The following PCDHGB4 variants were observed in gnomAD, a reference collection of about 807,000 sequenced individuals.
The protein encoded by PCDHGB4 is protocadherin gamma subfamily B, 4, also known as protocadherin gamma-B4.
Under a neutral mutation model 60.5 loss-of-function variants are expected in PCDHGB4, and 38 were observed. The ratio of observed to expected loss-of-function variants is 0.63; its 90% confidence interval spans 0.48 to 0.82. The LOEUF is 0.82. PCDHGB4 is among the 40% of genes least tolerant of loss of function. The pLI, the probability that PCDHGB4 is intolerant of heterozygous loss-of-function variation, is 0.00. For missense variants in PCDHGB4, 1,109 were observed against 1,209.6 expected, an observed-to-expected ratio of 0.92 and a Z score of 1.23; for synonymous variants, 456 against 509.7, an observed-to-expected ratio of 0.89 and a Z score of 1.42.
Position 141,389,413 on chromosome 5 carries a change from G to A in PCDHGB4, c.1529G>A (p.Gly510Glu). Residue 510 changes from glycine (G) to glutamate (E), a missense_variant, in exon 1 of 4, where the codon GGG becomes GAG. Physicochemically the swap from Gly to Glu is moderately conservative, Grantham distance 98. Around this residue, in one of 2 missense-constraint regions of PCDHGB4, gnomAD observed 1,068 missense variants for 1,089.9 expected, o/e 0.98. Coordinates refer to ENST00000519479, the MANE Select transcript of PCDHGB4 (RefSeq NM_003736.4). ...TACGTGTCCATAAGCGCGGAGAGCG[G>A]GGTGGTGTTCGCGCAGCGCGCCTTC... is the stretch of plus-strand genomic sequence containing the variant. Reference protein sequence around the residue: ...SSYVSISAESGVVFAQRAFDH... With the variant: ...SSYVSISAESEVVFAQRAFDH... The A allele has an allele frequency of 6.2e-7, 1 of 1,613,608 alleles. No homozygotes were observed. Among genetic ancestry groups the A allele is most frequent in the South Asian group, 1.1e-5 (1 of 91,090 alleles).
Position 141,489,753 on chromosome 5 carries a change from T to A in PCDHGB4, c.2398-5054T>A, listed in dbSNP as rs549652158. On this transcript the variant is annotated intron_variant, in intron 1 of 3. Transcript: ENST00000519479. The surrounding 1 kb of genome is among the most constrained non-coding windows in gnomAD (Gnocchi z 4.5). ...GCACCAATACTGTGAGCTTTTACAC[T>A]CTAAGCCCCAACAGCCACTTCTCTC... 6.2e-7 allele frequency: 1 copy of A among 1,614,070 alleles called. No homozygotes were observed. The highest frequency in any genetic ancestry group is 2.2e-5 in the East Asian group (1 of 44,866).
Position 141,431,583 on chromosome 5 carries a change from C to A in PCDHGB4, c.2397+41302C>A, listed in dbSNP as rs771534481. On this transcript the variant is annotated intron_variant, in intron 1 of 3. Transcript: ENST00000519479. The surrounding 1 kb of genome is among the most constrained non-coding windows in gnomAD (Gnocchi z 4.8). ...ACCGACCCTGACGAAGGAGTCAATGCGGAAGTGAGGTATTCCTTCCGGTAT... is the reference window on the plus strand; with the variant it reads ...ACCGACCCTGACGAAGGAGTCAATGAGGAAGTGAGGTATTCCTTCCGGTAT... The A allele has an allele frequency of 1.1e-5, 18 of 1,614,008 alleles. No individual in the cohort carries two copies. In the South Asian group the frequency reaches 1.2e-4, roughly 11 times the overall value.
chr5:141,476,309 A>G lies in PCDHGB4; in HGVS notation c.2398-18498A>G. ...GGATCTCGGTAGCCTCTCAGCCCGC[A>G]GGTTCCGGGTGGTGTCTGGAGCTAG... On this transcript the variant is annotated intron_variant, in intron 1 of 3. Transcript: ENST00000519479. The surrounding 1 kb of genome is among the most constrained non-coding windows in gnomAD (Gnocchi z 7.6). The G allele has an allele frequency of 6.2e-7, 1 of 1,613,966 alleles. No homozygotes were observed. Among genetic ancestry groups the G allele is most frequent in the Non-Finnish European group, 8.5e-7 (1 of 1,179,988 alleles).
In PCDHGB4 at chr5:141,490,261, G is replaced by T; in HGVS notation, c.2398-4546G>T. 6.2e-7 allele frequency: 1 copy of T among 1,614,218 alleles called. No individual in the cohort carries two copies. Among genetic ancestry groups the T allele is most frequent in the Non-Finnish European group, 8.5e-7 (1 of 1,180,038 alleles). ...CCACTGTGTGATTCAAGTGGATGTG[G>T]GGGATGTCAATGACAATGCCCCAGA... On this transcript the variant is annotated intron_variant, in intron 1 of 3. Coordinates refer to ENST00000519479, the MANE Select transcript of PCDHGB4 (RefSeq NM_003736.4). The surrounding 1 kb of genome is among the most constrained non-coding windows in gnomAD (Gnocchi z 5.4).
intron 1 of PCDHGB4, chr5:141,404,476 C>T (rs1453332441): frequency 6.2e-7 from 1 of 1,613,362 alleles, no homozygotes; most frequent in South Asian, 1.1e-5. Context: ...TCTCTATTAA[C>T]TCAGACACTG....
intron 1 of PCDHGB4, chr5:141,404,222 G>A (rs1407928050): frequency 6.2e-7 from 1 of 1,613,616 alleles, no homozygotes; most frequent in Admixed American, 1.7e-5. Context: ...CACGGTGACT[G>A]CAACAGACAG....
chr5:141,392,779 T>C (rs757880986), intron 1 of PCDHGB4: 1 of 1,534,720 alleles, frequency 6.5e-7, no homozygotes, highest in African/African-American at 1.4e-5. Context: ...TTATGCACAG[T>C]GAAGATTCTG....
chr5:141,403,442 G>A, intron 1 of PCDHGB4: 2 of 1,614,024 alleles, frequency 1.2e-6, no homozygotes, highest in Admixed American at 1.7e-5. Flanking sequence ...GGATGTTGGC[G>A]TGAACTCCCT....
intron 1 of PCDHGB4, among the ~76,000 whole-genome samples, chr5:141,479,036 G>C (rs1202411463): frequency 1.3e-5 from 2 of 152,012 alleles, no homozygotes; most frequent in Non-Finnish European, 2.9e-5. Flanking sequence ...TATACAGATC[G>C]TGTACCTCAT....
chr5:141,421,357 T>A lies in PCDHGB4; in HGVS notation c.2397+31076T>A, dbSNP rs761522510. ...GGTGCCAGAAGAGACCGAAAAGGGC[T>A]CCTTCGTGGGCAATATCTCCAAGGA... On this transcript the variant is annotated intron_variant, in intron 1 of 3. Coordinates refer to ENST00000519479, the MANE Select transcript of PCDHGB4 (RefSeq NM_003736.4). 4.3e-6 allele frequency: 7 copies of A among 1,613,976 alleles called. 1 individual carries two copies. The South Asian group carries it at 7.7e-5, about 18-fold the overall frequency.
At position 141,486,004 on chromosome 5, in the gene PCDHGB4, C is replaced by T; in HGVS notation, c.2398-8803C>T. The T allele has an allele frequency of 6.2e-7, 1 of 1,614,184 alleles. No homozygotes were observed. The highest frequency in any genetic ancestry group is 8.5e-7 in the Non-Finnish European group (1 of 1,180,008). The stretch of plus-strand genomic sequence containing the variant: ...CGGACCTGGGTCCCAGTGGTAACGT[C>T]ACCTTTTATTTCAGTGGTCATACCC... On this transcript the variant is annotated intron_variant, in intron 1 of 3. Coordinates refer to ENST00000519479, the MANE Select transcript of PCDHGB4 (RefSeq NM_003736.4). This position sits in a 1 kb window ranked among gnomAD's most constrained non-coding sequence, Gnocchi z 5.0.
At chr5:141,446,129 A>C (rs1488078150) in intron 1 of PCDHGB4, among the ~76,000 whole-genome samples, 1 of 152,204 alleles carries the variant, frequency 6.6e-6, no homozygotes, top group Non-Finnish European at 1.5e-5. Flanking sequence ...GTTCAATAAG[A>C]CTTAATAATG....
rs1471215172 is a variant in PCDHGB4 at position 141,511,840 on chromosome 5, TCTG to T, written c.*668_*670del. 1 of 156,722 alleles carries T rather than the reference TCTG, an allele frequency of 6.4e-6. No homozygotes were observed. Among genetic ancestry groups the T allele is most frequent in the African/African-American group, 2.4e-5 (1 of 41,448 alleles). The allele number at this position is 156,722 out of a possible 1,614,324, so 9.7% of individuals were successfully genotyped here. A position where few individuals can be genotyped will look rare whatever the true frequency, so the allele number is the denominator to read the frequency against. On this transcript the variant is annotated 3_prime_UTR_variant, in exon 4 of 4. Coordinates refer to ENST00000519479, the MANE Select transcript of PCDHGB4 (RefSeq NM_003736.4). ...TTCCCAACGCCCTGGGGACCAGTCTTCTGTTTTGTTTTTCATTGTTTGACGTTT... is the reference window on the plus strand; with the variant it reads ...TTCCCAACGCCCTGGGGACCAGTCTTTTTTGTTTTTCATTGTTTGACGTTT...
chr5:141,508,994 A>G (rs2099873731), intron 3 of PCDHGB4, among the ~76,000 whole-genome samples: 1 of 152,052 alleles, frequency 6.6e-6, no homozygotes, highest in South Asian at 2.1e-4. Flanking sequence ...CAGCTGGGGT[A>G]GGAGAGGAGG....
rs561824381 is a variant in PCDHGB4 at position 141,449,084 on chromosome 5, C to T, written c.2398-45723C>T. Among the ~76,000 whole-genome samples, 8 of 152,250 alleles carry T rather than the reference C, an allele frequency of 5.3e-5. No individual in the cohort carries two copies. In the East Asian group the frequency reaches 1.4e-3, roughly 26 times the overall value. The stretch of plus-strand genomic sequence containing the variant: ...CTATTGAATAGCCCTGTACCTACAT[C>T]AGTTTTTACATATGCAGTATATCTT... On this transcript the variant is annotated intron_variant, in intron 1 of 3. Transcript: ENST00000519479.
intron 3 of PCDHGB4, among the ~76,000 whole-genome samples, chr5:141,505,926 G>A (rs114056147): frequency 0.012 from 1,893 of 152,254 alleles, 12 homozygotes; most frequent in Middle Eastern, 0.034. Context: ...TGGGCCTGGC[G>A]CTTGGAAGCC....
chr5:141,398,675 A>G (rs1462726875), intron 1 of PCDHGB4: 10 of 1,613,974 alleles, frequency 6.2e-6, no homozygotes, highest in East Asian at 2.2e-5. Context: ...TTAATAATTA[A>G]GGAGAAACAG....
At chr5:141,393,348 T>G in intron 1 of PCDHGB4, 1 of 1,613,848 alleles carries the variant, frequency 6.2e-7, no homozygotes, top group Non-Finnish European at 8.5e-7. Context: ...TCACCACTTC[T>G]CCCTGGACGT....
In PCDHGB4 at chr5:141,489,335, G is replaced by A. The variant is rs138015049; in HGVS notation, c.2398-5472G>A. The A allele has an allele frequency of 8.2e-5, 132 of 1,607,244 alleles. No individual in the cohort carries two copies. The African/African-American group carries it at 1.5e-3, about 18-fold the overall frequency. On this transcript the variant is annotated intron_variant, in intron 1 of 3. Transcript: ENST00000519479. This position sits in a 1 kb window ranked among gnomAD's most constrained non-coding sequence, Gnocchi z 4.5. ...TGGGGCTGGGTGTCTGGGCAGCTTC[G>A]TTACTCAGTGGTGGAGGAGTCTGAG...
Sources: allele counts gnomAD v4.1 joint callset (sites outside exome capture counted in the v4.1 genomes callset), GRCh38; gene constraint gnomAD v4.1.1; regional missense constraint gnomAD v4.1.1; non-coding constraint Gnocchi (gnomAD v3.1); transcripts MANE v1.5; gene names NCBI Gene and HGNC (gene_info 2026-07-23, HGNC 2026-07-21).